EIF2B3: variants seen among roughly 807,000 people sequenced by gnomAD.
The protein encoded by EIF2B3 is translation initiation factor eIF2B subunit gamma.
In EIF2B3, 20 loss-of-function variants were observed where a neutral mutation model predicts 54.1. The observed-to-expected ratio is 0.37, with a 90% CI of 0.26 to 0.54. The LOEUF (loss-of-function observed/expected upper bound fraction) is 0.54, where lower values mean the gene tolerates loss of function less well. Among genes scored for constraint, EIF2B3 ranks in the 20% least tolerant of loss-of-function variants. The pLI is 0.86. For missense variants in EIF2B3, 448 were observed against 547.8 expected (o/e 0.82, Z 1.82); for synonymous variants, 153 against 188.1 (o/e 0.81, Z 1.52).
At chr1:44,857,890 C>T (rs1654488089) in intron 10 of EIF2B3, 83 bp from the exon 11 acceptor site, 2 of 1,349,120 alleles carry the variant, frequency 1.5e-6, no homozygotes, top group South Asian at 1.2e-5. Flanking sequence ...TCTGGCTCCT[C>T]CCTAGGCCAG....
intron 10 of EIF2B3, among the ~76,000 whole-genome samples, chr1:44,870,150 G>T (rs1020167923): frequency 2.0e-5 from 3 of 148,860 alleles, no homozygotes; most frequent in Non-Finnish European, 4.4e-5. Flanking sequence ...CCAGCCCAGG[G>T]GACAAAGAGA....
chr1:44,958,206 G>A (rs1158022014), intron 3 of EIF2B3, among the ~76,000 whole-genome samples: 1 of 152,154 alleles, frequency 6.6e-6, no homozygotes. Flanking sequence ...CAGACCCCCT[G>A]AAAATCAAAT....
intron 4 of EIF2B3, among the ~76,000 whole-genome samples, chr1:44,939,101 C>CAAAAAA (rs35410499): frequency 1.8e-4 from 10 of 56,222 alleles, no homozygotes; most frequent in South Asian, 7.2e-4. Context: ...GACCCTGTCT[C>CAAAAAA]AAAAAAAAAA....
At chr1:44,895,633 G>T (rs1383391328) in intron 6 of EIF2B3, among the ~76,000 whole-genome samples, 1 of 151,780 alleles carries the variant, frequency 6.6e-6, no homozygotes, top group African/African-American at 2.4e-5. Flanking sequence ...TATATTTACA[G>T]ATGAAATTAT....
At chr1:44,932,011 T>C (rs1481845789) in intron 4 of EIF2B3, among the ~76,000 whole-genome samples, 4 of 151,786 alleles carry the variant, frequency 2.6e-5, no homozygotes, top group South Asian at 2.1e-4. Context: ...ACTTGGGAGG[T>C]TGAAGCAGGA....
chr1:44,872,524 C>G (rs1654998405), intron 10 of EIF2B3, among the ~76,000 whole-genome samples: 1 of 152,054 alleles, frequency 6.6e-6, no homozygotes, highest in African/African-American at 2.4e-5. Flanking sequence ...GTGGTGTGCG[C>G]CTGTAGTCCT....
rs139247652 is a variant in EIF2B3 at position 44,874,766 on chromosome 1, G to A, written c.1114C>T (p.Arg372Cys). The change falls in exon 10 of 12, where the codon CGC becomes TGC. Residue 372 changes from arginine to cysteine, a missense_variant. This residue lies in a region of EIF2B3 where 350 missense variants were observed against 414.2 expected (regional missense o/e 0.85). Transcript: ENST00000360403. ...TQIGEKSSIKRSVIGSSCLIK... is the reference protein window; with the variant it reads ...TQIGEKSSIKCSVIGSSCLIK... ...AGACAGGATGAGCCAATGACTGAGC[G>A]CTTAATGGATGACTTCTCTCCAATC... is the stretch of plus-strand genomic sequence containing the variant. 29 of 1,614,092 alleles carry A rather than the reference G, an allele frequency of 1.8e-5. No homozygotes were observed. The Middle Eastern group carries it at 4.9e-4, about 28-fold the overall frequency.
rs1267875305 is a variant in EIF2B3, at chr1:44,850,971, C to T, written c.1339G>A (p.Asp447Asn). Residue 447 changes from aspartate to asparagine, a missense_variant, in exon 12 of 12, where the codon GAC becomes AAC. By Grantham distance (23) the Asp-to-Asn change is conservative. This residue lies in a region of EIF2B3 where 350 missense variants were observed against 414.2 expected (regional missense o/e 0.85). Coordinates refer to ENST00000360403, the MANE Select transcript of EIF2B3 (RefSeq NM_020365.5). ...KRVNEVIVGN[D>N]QLMEI ...AGAACTCAGATCTCCATGAGCTGGT[C>T]ATTCCCCACGATCACCTCATTCACT... The T allele has an allele frequency of 1.9e-6, 3 of 1,614,148 alleles. No homozygotes were observed. The highest frequency in any genetic ancestry group is 2.5e-6 in the Non-Finnish European group (3 of 1,180,032).
rs906160119 is a variant in EIF2B3, at chr1:44,881,893, G to A, written c.657-154C>T. Among the ~76,000 whole-genome samples the A allele has an allele frequency of 6.6e-6, 1 of 152,228 alleles. No individual in the cohort carries two copies. Among genetic ancestry groups the A allele is most frequent in the Admixed American group, 6.5e-5 (1 of 15,284 alleles). ...AATGTGGCATTGACTTGGCAGTTCG[G>A]AGAAGCAGAGTGCTTCCTGGTGGGT... On this transcript the variant is annotated intron_variant, in intron 6 of 11. Coordinates refer to ENST00000360403, the MANE Select transcript of EIF2B3 (RefSeq NM_020365.5). The surrounding 1 kb of genome is among the most constrained non-coding windows in gnomAD (Gnocchi z 4.0).
chr1:44,895,655 T>C (rs374840216), intron 6 of EIF2B3, among the ~76,000 whole-genome samples: 9 of 152,156 alleles, frequency 5.9e-5, no homozygotes, highest in African/African-American at 9.7e-5. Context: ...TCAAAATATT[T>C]ACAGATGAAA....
At chr1:44,978,598 T>C in intron 2 of EIF2B3, 138 bp from the exon 3 acceptor site, 2 of 739,472 alleles carry the variant, frequency 2.7e-6, no homozygotes, top group South Asian at 1.8e-5. Flanking sequence ...CAATATATTT[T>C]ACCTGCATTC....
intron 11 of EIF2B3, among the ~76,000 whole-genome samples, chr1:44,851,505 T>C (rs1238365992): frequency 1.3e-5 from 2 of 152,238 alleles, no homozygotes; most frequent in Admixed American, 6.5e-5. Flanking sequence ...ACTGTCTATA[T>C]ACCTGGCTGT....
intron 6 of EIF2B3, among the ~76,000 whole-genome samples, chr1:44,887,872 T>C (rs532059842): frequency 8.1e-4 from 124 of 152,184 alleles, no homozygotes; most frequent in South Asian, 4.6e-3. Flanking sequence ...CATTCCAGCC[T>C]GGGCGACAGA....
At chr1:44,896,439 C>G (rs1200954443) in intron 6 of EIF2B3, among the ~76,000 whole-genome samples, 1 of 152,200 alleles carries the variant, frequency 6.6e-6, no homozygotes, top group East Asian at 1.9e-4. Context: ...CCTCCTTCCT[C>G]TTAATATTCC....
At chr1:44,967,357 G>A (rs1486091002) in intron 3 of EIF2B3, among the ~76,000 whole-genome samples, 2 of 151,256 alleles carry the variant, frequency 1.3e-5, no homozygotes, top group Non-Finnish European at 2.9e-5. Context: ...TGAGGCAGAG[G>A]AATCACTTGA....
chr1:44,908,340 G>A (rs1643453183), intron 5 of EIF2B3, among the ~76,000 whole-genome samples: 1 of 152,148 alleles, frequency 6.6e-6, no homozygotes, highest in African/African-American at 2.4e-5. Flanking sequence ...GTATATAGGG[G>A]AGCACAAAGG....
At chr1:44,855,359 C>CAA (rs1654403235) in intron 11 of EIF2B3, among the ~76,000 whole-genome samples, 4 of 152,172 alleles carry the variant, frequency 2.6e-5, no homozygotes, top group Admixed American at 1.3e-4. Flanking sequence ...GTTTATGAAG[C>CAA]CCATCTCATG....
chr1:44,976,482 ACT>A (rs1281506660), intron 3 of EIF2B3, among the ~76,000 whole-genome samples: 1 of 152,204 alleles, frequency 6.6e-6, no homozygotes, highest in Admixed American at 6.5e-5. Context: ...AGCAAACGCA[ACT>A]CTTACAAACT....
chr1:44,882,204 C>T (rs998321887), intron 6 of EIF2B3, among the ~76,000 whole-genome samples: 1 of 152,096 alleles, frequency 6.6e-6, no homozygotes, highest in Non-Finnish European at 1.5e-5. Context: ...ATTCATAATC[C>T]AATGGACAGT....
Sources: gnomAD v4.1 joint callset for allele counts (sites outside exome capture counted in the v4.1 genomes callset) on GRCh38, gnomAD v4.1.1 for gene constraint, gnomAD v4.1.1 regional missense constraint, Gnocchi (gnomAD v3.1) non-coding constraint, MANE v1.5 for transcripts, NCBI Gene and HGNC (gene_info 2026-07-23, HGNC 2026-07-21) for gene names.